ZNF740: variants seen among roughly 807,000 people sequenced by gnomAD.
ZNF740 encodes oriLyt TD-element-binding protein 7.
Under a neutral mutation model 24.8 loss-of-function variants are expected in ZNF740, and 14 were observed. The ratio of observed to expected loss-of-function variants is 0.56; its 90% CI spans 0.37 to 0.88. The LOEUF (loss-of-function observed/expected upper bound fraction) is 0.88, where lower values mean the gene tolerates loss of function less well. ZNF740 is among the 40% of genes least tolerant of loss of function. ZNF740 has a pLI of 0.00. For synonymous variants in ZNF740, 69 were observed against 84.0 expected (o/e 0.82, Z 0.98); for missense variants, 201 against 247.9 (o/e 0.81, Z 1.27).
Position 53,188,691 on chromosome 12 carries a change from C to G in ZNF740, c.*1101C>G, listed in dbSNP as rs368943118. 6.6e-6 allele frequency: 1 copy of G among 152,202 alleles called. No homozygotes were observed. The highest frequency in any genetic ancestry group is 1.5e-5 in the Non-Finnish European group (1 of 68,068). 9.4% of individuals were successfully genotyped at this position (152,202 alleles called of 1,614,324 possible). On this transcript the variant is annotated 3_prime_UTR_variant, in exon 7 of 7. Coordinates refer to ENST00000416904, the MANE Select transcript of ZNF740 (RefSeq NM_001004304.4). ...TAGAGGAGGTAGGGAGGGGTCTGTCCTTTGGTCCCAAAAAACAAGATCTCG... is the reference window on the plus strand; with the variant it reads ...TAGAGGAGGTAGGGAGGGGTCTGTCGTTTGGTCCCAAAAAACAAGATCTCG...
Position 53,186,415 on chromosome 12 carries a change from T to C in ZNF740, c.398T>C (p.Ile133Thr), listed in dbSNP as rs376151662. 4 of 1,585,278 alleles carry C rather than the reference T, an allele frequency of 2.5e-6. No individual in the cohort carries two copies. Among genetic ancestry groups the C allele is most frequent in the Middle Eastern group, 1.7e-4 (1 of 6,030 alleles). The change falls in exon 6 of 7, where the codon ATA (isoleucine) becomes ACA (threonine). Residue 133 changes from isoleucine to threonine, a missense_variant. Ile to Thr is a moderately conservative substitution (Grantham distance 89, BLOSUM62 -1). Transcript: ENST00000416904. ...GGTGAGAAGCCATTTGAATGCGATA[T>C]ATGTGATATGCGTTTCATCCAGAAG... ...HTGEKPFECD[I>T]CDMRFIQKYH...
chr12:53,187,729 G>T lies in ZNF740; in HGVS notation c.*139G>T. 1 of 659,040 alleles carries T rather than the reference G, an allele frequency of 1.5e-6. No individual in the cohort carries two copies. Among genetic ancestry groups the T allele is most frequent in the Non-Finnish European group, 2.7e-6 (1 of 370,142 alleles). The allele number at this position is 659,040 out of a possible 1,614,324, so 40.8% of individuals were successfully genotyped here. A position where few individuals can be genotyped will look rare whatever the true frequency, so the allele number is the denominator to read the frequency against. The stretch of plus-strand genomic sequence containing the variant: ...AGTGGACCCAGGAGACCAGAAGAGT[G>T]CATCAGGGGACAGTGGCCCCAGAAC... On this transcript the variant is annotated 3_prime_UTR_variant, in exon 7 of 7. Coordinates refer to ENST00000416904, the MANE Select transcript of ZNF740 (RefSeq NM_001004304.4).
At chr12:53,185,358 A>G (rs1175334061) in intron 3 of ZNF740, 29 bp from the exon 4 acceptor site, 7 of 1,610,522 alleles carry the variant, frequency 4.3e-6, no homozygotes, top group Non-Finnish European at 5.9e-6. Context: ...GAGATGGGCT[A>G]TGAGTTTAGA....
intron 6 of ZNF740, among the ~76,000 whole-genome samples, chr12:53,187,078 A>G (rs1267070609): frequency 6.6e-6 from 1 of 152,172 alleles, no homozygotes; most frequent in African/African-American, 2.4e-5. Context: ...TTTGCTCTGC[A>G]CTCTTACACT....
In ZNF740 at chr12:53,192,013, G is replaced by C. The variant is rs775019478; in HGVS notation, c.*4423G>C. 6.2e-6 allele frequency: 10 copies of C among 1,611,110 alleles called. No homozygotes were observed. The highest frequency in any genetic ancestry group is 3.4e-6 in the Non-Finnish European group (4 of 1,178,686). On this transcript the variant is annotated 3_prime_UTR_variant, in exon 7 of 7. Coordinates refer to ENST00000416904, the MANE Select transcript of ZNF740 (RefSeq NM_001004304.4). ...CAGCACAATGGCCTGCGTGTGGTCT[G>C]CTCCCTCTGTGAACAAGAAACCAGA... is the stretch of plus-strand genomic sequence containing the variant.
intron 6 of ZNF740, 56 bp downstream of exon 6, chr12:53,186,565 A>G: frequency 1.4e-6 from 2 of 1,401,660 alleles, no homozygotes; most frequent in South Asian, 2.5e-5. Context: ...CCCAAGAATC[A>G]GGGCCACCCT....
At chr12:53,181,623 T>A (rs1941645730) in intron 1 of ZNF740, 54 bp from the exon 2 acceptor site, 1 of 504,926 alleles carries the variant, frequency 2.0e-6, no homozygotes. Flanking sequence ...TCGCACGTTG[T>A]AATGGCCTGA....
chr12:53,193,517 A>C lies in ZNF740; in HGVS notation c.*5927A>C, dbSNP rs1942043743. 1.4e-6 allele frequency: 1 copy of C among 738,302 alleles called. No individual in the cohort carries two copies. The highest frequency in any genetic ancestry group is 2.2e-6 in the Non-Finnish European group (1 of 455,066). The allele number at this position is 738,302 out of a possible 1,614,324, so 45.7% of individuals were successfully genotyped here. On this transcript the variant is annotated 3_prime_UTR_variant, in exon 7 of 7. Transcript: ENST00000416904. The stretch of plus-strand genomic sequence containing the variant: ...AAGTATAGTGAAACACTGAGGGGTG[A>C]GAGAGTGGAGGGAGCCCCAGTCAGG...
At chr12:53,185,889 G>A (rs1481070012) in intron 4 of ZNF740, 65 bp from the exon 5 acceptor site, 2 of 1,588,604 alleles carry the variant, frequency 1.3e-6, no homozygotes, top group Non-Finnish European at 1.7e-6. Flanking sequence ...TGGACCCAGA[G>A]TAGAACAGTG....
intron 6 of ZNF740, among the ~76,000 whole-genome samples, chr12:53,187,227 T>A (rs1353964165): frequency 5.9e-5 from 9 of 152,258 alleles, no homozygotes; most frequent in Non-Finnish European, 2.9e-5. Context: ...TAGGTACTTT[T>A]AGCCTCGCTT....
At chr12:53,185,240 G>A in intron 3 of ZNF740, 147 bp from the exon 4 acceptor site, 2 of 1,127,556 alleles carry the variant, frequency 1.8e-6, no homozygotes, top group Non-Finnish European at 2.5e-6. Context: ...AAGACCAGGT[G>A]CTTGGAGAGG....
rs1229842690 is a variant in ZNF740 at position 53,186,030 on chromosome 12, C to G, written c.326C>G (p.Ala109Gly). The G allele has an allele frequency of 1.2e-6, 2 of 1,613,910 alleles. No homozygotes were observed. The highest frequency in any genetic ancestry group is 8.5e-7 in the Non-Finnish European group (1 of 1,179,826). Residue 109 changes from alanine to glycine, a missense_variant, in exon 5 of 7, where the codon GCC becomes GGC. Around this residue, in one of 3 missense-constraint regions of ZNF740, gnomAD observed 60 missense variants for 107.8 expected, o/e 0.56. Coordinates refer to ENST00000416904, the MANE Select transcript of ZNF740 (RefSeq NM_001004304.4). The part of the protein sequence containing the change: ...KNFVCEHCFG[A>G]FRSSYHLKRH... The stretch of plus-strand genomic sequence containing the variant: ...TTTGTTTGTGAACACTGCTTTGGAG[C>G]CTTTCGGAGCAGTTACCACCTAAAG...
At position 53,185,372 on chromosome 12, in the gene ZNF740, G is replaced by A; in HGVS notation, c.160-15G>A. The stretch of plus-strand genomic sequence containing the variant: ...CGAGATGGGCTATGAGTTTAGATTT[G>A]ATTTGTCTTCAAAGGGTCACCGAAA... On this transcript the variant is annotated splice_polypyrimidine_tract_variant and intron_variant, in intron 3 of 6. Coordinates refer to ENST00000416904, the MANE Select transcript of ZNF740 (RefSeq NM_001004304.4). 2 of 1,613,586 alleles carry A rather than the reference G, an allele frequency of 1.2e-6. No individual in the cohort carries two copies. Among genetic ancestry groups the A allele is most frequent in the Non-Finnish European group, 1.7e-6 (2 of 1,179,644 alleles).
At position 53,194,177 on chromosome 12, in the gene ZNF740, CCTGTGCTTGCTGG is replaced by C; in HGVS notation, c.*6590_*6602del. 6.2e-7 allele frequency: 1 copy of C among 1,613,866 alleles called. No individual in the cohort carries two copies. The highest frequency in any genetic ancestry group is 8.5e-7 in the Non-Finnish European group (1 of 1,179,856). On this transcript the variant is annotated 3_prime_UTR_variant, in exon 7 of 7. Transcript: ENST00000416904. Reference sequence around the variant, plus strand: ...CCCACCTCCCCCTGCCCGCCTTCTGCCTGTGCTTGCTGGCTCTCACCGTCTGGTTGATTCGGAC... The same window carrying C: ...CCCACCTCCCCCTGCCCGCCTTCTGCCTCTCACCGTCTGGTTGATTCGGAC...
chr12:53,182,201 C>G, intron 2 of ZNF740: 1 of 635,990 alleles, frequency 1.6e-6, no homozygotes, highest in Non-Finnish European at 2.7e-6. Flanking sequence ...GTAGGCTATA[C>G]TGCATCACAG....
At chr12:53,184,231 C>T (rs1209468168) in intron 2 of ZNF740, among the ~76,000 whole-genome samples, 1 of 143,900 alleles carries the variant, frequency 6.9e-6, no homozygotes, top group Non-Finnish European at 1.5e-5. Context: ...CTCTGTTGCC[C>T]AGGCTGGAGT....
chr12:53,187,551 G>T lies in ZNF740; in HGVS notation c.543G>T (p.Gly181=). 6.2e-7 allele frequency: 1 copy of T among 1,614,016 alleles called. No individual in the cohort carries two copies. The highest frequency in any genetic ancestry group is 8.5e-7 in the Non-Finnish European group (1 of 1,179,892). Reference sequence around the variant, plus strand: ...TCAGACACAAACGGATGTGCCAAGGGTGCCAGTCCAAGACTTCCGACGGGC... The same window carrying T: ...TCAGACACAAACGGATGTGCCAAGGTTGCCAGTCCAAGACTTCCGACGGGC... ...RLLRHKRMCQ[G]CQSKTSDGQF... is the part of the protein sequence containing the mutation. The change falls in exon 7 of 7, where the codon GGG becomes GGT. Residue 181 remains glycine, a synonymous_variant. Coordinates refer to ENST00000416904, the MANE Select transcript of ZNF740 (RefSeq NM_001004304.4).
Position 53,194,374 on chromosome 12 carries a change from G to T in ZNF740, c.*6784G>T. On this transcript the variant is annotated 3_prime_UTR_variant, in exon 7 of 7. Coordinates refer to ENST00000416904, the MANE Select transcript of ZNF740 (RefSeq NM_001004304.4). ...GGGAAGAGAGCGAGTGGATAACCACGTGAAGGCAGAAAAGGACTCCAACCC... is the reference window on the plus strand; with the variant it reads ...GGGAAGAGAGCGAGTGGATAACCACTTGAAGGCAGAAAAGGACTCCAACCC... 1 of 1,611,492 alleles carries T rather than the reference G, an allele frequency of 6.2e-7. No individual in the cohort carries two copies. The highest frequency in any genetic ancestry group is 8.5e-7 in the Non-Finnish European group (1 of 1,178,402).
Position 53,192,641 on chromosome 12 carries a change from A to G in ZNF740, c.*5051A>G. 2 of 1,600,784 alleles carry G rather than the reference A, an allele frequency of 1.2e-6. No individual in the cohort carries two copies. The highest frequency in any genetic ancestry group is 1.7e-5 in the Admixed American group (1 of 59,898). On this transcript the variant is annotated 3_prime_UTR_variant, in exon 7 of 7. Coordinates refer to ENST00000416904, the MANE Select transcript of ZNF740 (RefSeq NM_001004304.4). ...AGAGTAGGCAGATGGGAGTAGCTCA[A>G]CAAGCCCCACTGTGCCCCTGCTCCC...
Sources: allele counts gnomAD v4.1 joint callset (sites outside exome capture counted in the v4.1 genomes callset), GRCh38; gene constraint gnomAD v4.1.1; regional missense constraint gnomAD v4.1.1; transcripts MANE v1.5; gene names NCBI Gene and HGNC (gene_info 2026-07-23, HGNC 2026-07-21).